KIFAP3: variants seen among roughly 807,000 people sequenced by gnomAD.
The protein encoded by KIFAP3 is kinesin associated protein 3, also known as kinesin-associated protein 3.
A neutral mutation model predicts 106.5 loss-of-function variants in KIFAP3; 68 were observed. The observed-to-expected ratio is 0.64, with a 90% confidence interval of 0.53 to 0.78. KIFAP3 has a LOEUF of 0.78. Among genes scored for constraint, KIFAP3 ranks in the 30% least tolerant of loss-of-function variants. KIFAP3 has a pLI of 0.00. For missense variants in KIFAP3, 780 were observed against 941.8 expected, an observed-to-expected ratio of 0.83 and a Z score of 2.25; for synonymous variants, 320 against 311.5, an observed-to-expected ratio of 1.03 and a Z score of -0.29.
intron 16 of KIFAP3, among the ~76,000 whole-genome samples, chr1:169,973,794 T>G (rs1197979284): frequency 6.6e-6 from 1 of 151,876 alleles, no homozygotes; most frequent in Non-Finnish European, 1.5e-5. Context: ...AGACATTTAT[T>G]ATCCATAGAT....
intron 10 of KIFAP3, among the ~76,000 whole-genome samples, chr1:169,992,630 G>T (rs1183300213): frequency 6.6e-6 from 1 of 151,968 alleles, no homozygotes; most frequent in African/African-American, 2.4e-5. Flanking sequence ...TTTAGATATA[G>T]TAAATAAAAA....
Position 169,963,301 on chromosome 1 carries a change from G to A in KIFAP3, c.1984-2066C>T, listed in dbSNP as rs558898739. Among the ~76,000 whole-genome samples the A allele has an allele frequency of 3.3e-5, 5 of 152,268 alleles. No homozygotes were observed. The East Asian group carries it at 9.7e-4, about 29-fold the overall frequency. ...CATGATCTCGTTCTTTTTTATGGCT[G>A]TGTAATAGTCCATGGTGTATATGTA... On this transcript the variant is annotated intron_variant, in intron 17 of 19. Coordinates refer to ENST00000361580, the MANE Select transcript of KIFAP3 (RefSeq NM_014970.4).
At chr1:169,960,512 T>A (rs990015608) in intron 18 of KIFAP3, among the ~76,000 whole-genome samples, 2 of 152,116 alleles carry the variant, frequency 1.3e-5, no homozygotes, top group African/African-American at 2.4e-5. Flanking sequence ...AAGATTTACA[T>A]AAATATTAAA....
intron 9 of KIFAP3, among the ~76,000 whole-genome samples, chr1:170,017,811 A>G (rs1668601495): frequency 6.6e-6 from 1 of 152,216 alleles, no homozygotes; most frequent in Admixed American, 6.5e-5. Flanking sequence ...CCTTTTCTGT[A>G]TGGTCAATAA....
chr1:169,992,289 A>AAT, intron 10 of KIFAP3, 34 bp from the exon 11 acceptor site: 1 of 1,190,876 alleles, frequency 8.4e-7, no homozygotes, highest in Non-Finnish European at 1.2e-6. Flanking sequence ...TGATGCTATA[A>AAT]ATATATATTT....
At chr1:170,012,489 G>T (rs957639774) in intron 10 of KIFAP3, among the ~76,000 whole-genome samples, 1 of 151,976 alleles carries the variant, frequency 6.6e-6, no homozygotes, top group South Asian at 2.1e-4. Context: ...TTAAAATTAC[G>T]TTCAAGATAT....
chr1:169,941,725 A>T (rs987789747), intron 19 of KIFAP3, among the ~76,000 whole-genome samples: 1 of 152,202 alleles, frequency 6.6e-6, no homozygotes, highest in Non-Finnish European at 1.5e-5. Context: ...CTTGACAAAG[A>T]AGTTGCTAAC....
chr1:170,077,179 G>T (rs974629953), upstream of KIFAP3, among the ~76,000 whole-genome samples: 2 of 152,222 alleles, frequency 1.3e-5, no homozygotes, highest in African/African-American at 4.8e-5. Flanking sequence ...GATTGTAAAT[G>T]CACCAATCAG....
intron 3 of KIFAP3, among the ~76,000 whole-genome samples, chr1:170,043,111 G>A (rs1220625229): frequency 6.6e-6 from 1 of 152,092 alleles, no homozygotes; most frequent in Non-Finnish European, 1.5e-5. Context: ...TGACCACATG[G>A]TCACCCAGGA....
intron 9 of KIFAP3, among the ~76,000 whole-genome samples, chr1:170,022,088 A>G (rs1301918873): frequency 6.6e-6 from 1 of 151,138 alleles, no homozygotes. Context: ...AAGCTGGGAT[A>G]GCCAGCATGT....
upstream of KIFAP3, among the ~76,000 whole-genome samples, chr1:170,078,784 C>G (rs12121381): frequency 0.063 from 9,643 of 152,168 alleles, 390 homozygotes; most frequent in Non-Finnish European, 0.095. Flanking sequence ...AAAATGAAAG[C>G]ATATCTACCA....
At chr1:170,014,917 T>C (rs750928588) in intron 10 of KIFAP3, among the ~76,000 whole-genome samples, 2 of 152,174 alleles carry the variant, frequency 1.3e-5, no homozygotes, top group East Asian at 3.8e-4. Flanking sequence ...AATATAGTTA[T>C]TACCCTCATT....
intron 13 of KIFAP3, among the ~76,000 whole-genome samples, 198 bp downstream of exon 13, chr1:169,983,071 TA>T (rs930766185): frequency 1.3e-5 from 2 of 151,948 alleles, no homozygotes; most frequent in African/African-American, 2.4e-5. Flanking sequence ...GTGGAGGGAT[TA>T]GGGGTAAGGG....
chr1:170,050,899 A>G (rs1476701556), intron 2 of KIFAP3, among the ~76,000 whole-genome samples: 1 of 152,160 alleles, frequency 6.6e-6, no homozygotes, highest in South Asian at 2.1e-4. Flanking sequence ...ACACCAAAAT[A>G]TAACGACCAA....
At chr1:170,009,343 G>GA (rs149353392) in intron 10 of KIFAP3, among the ~76,000 whole-genome samples, 3 of 151,468 alleles carry the variant, frequency 2.0e-5, no homozygotes, top group Non-Finnish European at 4.4e-5. Context: ...ACACACAACA[G>GA]AAAAAAAAGT....
intron 17 of KIFAP3, among the ~76,000 whole-genome samples, chr1:169,962,160 C>T (rs1378970801): frequency 6.6e-6 from 1 of 152,096 alleles, no homozygotes; most frequent in Non-Finnish European, 1.5e-5. Flanking sequence ...AATTTTTGTT[C>T]CAACCACAAA....
intron 19 of KIFAP3, among the ~76,000 whole-genome samples, chr1:169,928,928 C>T (rs1222730089): frequency 6.6e-6 from 1 of 152,020 alleles, no homozygotes; most frequent in Non-Finnish European, 1.5e-5. Flanking sequence ...CTATCTTCTA[C>T]AGGGCTGAAC....
chr1:169,962,351 C>T (rs1198769125), intron 17 of KIFAP3, among the ~76,000 whole-genome samples: 1 of 152,168 alleles, frequency 6.6e-6, no homozygotes, highest in African/African-American at 2.4e-5. Flanking sequence ...TAAGCTACAG[C>T]AGAACTTCTC....
intron 18 of KIFAP3, among the ~76,000 whole-genome samples, chr1:169,954,664 A>C (rs1265532843): frequency 6.6e-6 from 1 of 152,198 alleles, no homozygotes; most frequent in Non-Finnish European, 1.5e-5. Flanking sequence ...ACACAAACTT[A>C]CATTAGAAAT....
Sources: allele counts gnomAD v4.1 joint callset (sites outside exome capture counted in the v4.1 genomes callset), GRCh38; gene constraint gnomAD v4.1.1; transcripts MANE v1.5; gene names NCBI Gene and HGNC (gene_info 2026-07-23, HGNC 2026-07-21).